Variants in GVQW3 observed in about 807,000 individuals in gnomAD.
GVQW3 encodes GVQW motif containing 3.
Under a neutral mutation model 12.5 loss-of-function variants are expected in GVQW3, and 7 were observed. That is an observed-to-expected ratio of 0.56 (90% confidence interval 0.32 to 1.05). The LOEUF (loss-of-function observed/expected upper bound fraction) is 1.05, where lower values mean the gene tolerates loss of function less well. GVQW3 is among the 50% of genes least tolerant of loss of function. The pLI, the probability that GVQW3 is intolerant of heterozygous loss-of-function variation, is 0.04. For synonymous variants in GVQW3, 71 were observed against 67.2 expected, an observed-to-expected ratio of 1.06 and a Z score of -0.28; for missense variants, 188 against 190.8, an observed-to-expected ratio of 0.99 and a Z score of 0.09.
intron 1 of GVQW3, among the ~76,000 whole-genome samples, chr11:76,391,509 G>A (rs546150718): frequency 6.6e-6 from 1 of 152,334 alleles, no homozygotes; most frequent in South Asian, 2.1e-4. Flanking sequence ...GCCAGGAAAA[G>A]GAGAGTTTAA....
chr11:76,408,333 T>G (rs1485082938), downstream of GVQW3: 1 of 152,186 alleles, frequency 6.6e-6, no homozygotes, highest in African/African-American at 2.4e-5. Flanking sequence ...GTTCGGGCCT[T>G]GAAGGATGAA....
At chr11:76,398,043 G>A (rs1429306245) in intron 1 of GVQW3, among the ~76,000 whole-genome samples, 1 of 150,440 alleles carries the variant, frequency 6.6e-6, no homozygotes, top group Non-Finnish European at 1.5e-5. Context: ...GCTGAGGTAC[G>A]AGAATCCCTT....
intron 1 of GVQW3, 26 bp downstream of exon 1, chr11:76,382,319 A>T (rs1211571821): frequency 7.2e-7 from 1 of 1,396,174 alleles, no homozygotes; most frequent in South Asian, 1.2e-5. Flanking sequence ...ACATGGAGTT[A>T]TCTCCAGGGT....
downstream of GVQW3, chr11:76,414,624 A>C (rs1005838921): frequency 4.2e-5 from 6 of 143,352 alleles, no homozygotes; most frequent in African/African-American, 1.0e-4. Flanking sequence ...CCCCACAAAA[A>C]AAAAAAAAAA....
intron 1 of GVQW3, among the ~76,000 whole-genome samples, chr11:76,401,848 A>G (rs534937023): frequency 6.6e-6 from 1 of 152,250 alleles, no homozygotes; most frequent in East Asian, 1.9e-4. Flanking sequence ...ATCTAAAGGT[A>G]AAGTAAATTC....
At chr11:76,401,179 C>T (rs80306865) in intron 1 of GVQW3, among the ~76,000 whole-genome samples, 3,728 of 151,962 alleles carry the variant, frequency 0.025, 66 homozygotes, top group East Asian at 0.079. Context: ...GACCAGGCTT[C>T]TACACTTTCT....
chr11:76,403,713 G>C lies in GVQW3; in HGVS notation c.519G>C (p.Gly173=), dbSNP rs1231398538. 2.1e-6 allele frequency: 1 copy of C among 485,570 alleles called. No homozygotes were observed. Among genetic ancestry groups the C allele is most frequent in the Non-Finnish European group, 3.7e-6 (1 of 270,678 alleles). 30.1% of individuals were successfully genotyped at this position (485,570 alleles called of 1,614,324 possible). A position where few individuals can be genotyped will look rare whatever the true frequency, so the allele number is the denominator to read the frequency against. The change falls in exon 2 of 2, where the codon GGG becomes GGC. Residue 173 remains glycine (G), a synonymous_variant. Coordinates refer to ENST00000529331, the MANE Select transcript of GVQW3 (RefSeq NM_001347885.2). The stretch of plus-strand genomic sequence containing the variant: ...TGGTCTCGAACTCCTTGTCTCAAGG[G>C]ATCCTCCCACCTTGGCCTCCCAAAG... The part of the protein sequence containing the change: ...PRLVSNSLSQ[G]ILPPWPPKAL...
intron 1 of GVQW3, among the ~76,000 whole-genome samples, chr11:76,402,109 C>A (rs1946995377): frequency 6.6e-6 from 1 of 152,198 alleles, no homozygotes; most frequent in Non-Finnish European, 1.5e-5. Context: ...CAGTGAAACC[C>A]TAGCCCACAG....
chr11:76,400,885 C>T (rs563823343), intron 1 of GVQW3, among the ~76,000 whole-genome samples: 15 of 152,044 alleles, frequency 9.9e-5, no homozygotes, highest in African/African-American at 1.9e-4. Flanking sequence ...TCAGCTAGCT[C>T]GAATATGTAG....
chr11:76,400,421 T>G, intron 1 of GVQW3, among the ~76,000 whole-genome samples: 1 of 142,824 alleles, frequency 7.0e-6, no homozygotes, highest in East Asian at 2.3e-4. Flanking sequence ...GCCCTTTTTT[T>G]GTTTGTTTGT....
At chr11:76,397,460 T>C (rs1226844402) in intron 1 of GVQW3, among the ~76,000 whole-genome samples, 1 of 152,226 alleles carries the variant, frequency 6.6e-6, no homozygotes, top group Non-Finnish European at 1.5e-5. Context: ...TGAACATACG[T>C]TTTTAATTCC....
rs938524918 is a variant in GVQW3, at chr11:76,406,358, C to T, written c.*2600C>T. 6.6e-6 allele frequency: 1 copy of T among 152,286 alleles called. No individual in the cohort carries two copies. The highest frequency in any genetic ancestry group is 1.5e-5 in the Non-Finnish European group (1 of 68,106). 9.4% of individuals were successfully genotyped at this position (152,286 alleles called of 1,614,324 possible). ...GAAGTCATGAGAGGAGGTTCAATAACTGTGTGCTAGAGTCATACCTCCACC... is the reference window on the plus strand; with the variant it reads ...GAAGTCATGAGAGGAGGTTCAATAATTGTGTGCTAGAGTCATACCTCCACC... On this transcript the variant is annotated 3_prime_UTR_variant, in exon 2 of 2. Transcript: ENST00000529331.
chr11:76,412,300 G>A (rs1201863764), downstream of GVQW3: 1 of 152,256 alleles, frequency 6.6e-6, no homozygotes, highest in African/African-American at 2.4e-5. Flanking sequence ...AAGTGTTTTG[G>A]GAGCCAGAGG....
chr11:76,384,043 C>T (rs1946806479), intron 1 of GVQW3, among the ~76,000 whole-genome samples: 1 of 152,210 alleles, frequency 6.6e-6, no homozygotes, highest in African/African-American at 2.4e-5. Context: ...TCTCTTCCTG[C>T]CTCTGCCAGG....
At chr11:76,412,997 G>T (rs7129437), downstream of GVQW3, 3 of 152,014 alleles carry the variant, frequency 2.0e-5, no homozygotes, top group African/African-American at 4.8e-5. Context: ...GGCCACCCCA[G>T]GGACTTGTAT....
chr11:76,399,144 T>G (rs985170935), intron 1 of GVQW3, among the ~76,000 whole-genome samples: 2 of 152,078 alleles, frequency 1.3e-5, no homozygotes, highest in Non-Finnish European at 2.9e-5. Context: ...TATTTTATTT[T>G]ATTTTATTTA....
intron 1 of GVQW3, among the ~76,000 whole-genome samples, chr11:76,400,595 A>G (rs1946980811): frequency 1.4e-5 from 2 of 146,874 alleles, no homozygotes; most frequent in Non-Finnish European, 3.0e-5. Flanking sequence ...TAATTTTTGT[A>G]TTTTTAGTAG....
intron 1 of GVQW3, chr11:76,383,782 A>ACCCCC (rs1565240643): frequency 9.0e-4 from 136 of 151,110 alleles, no homozygotes; most frequent in Admixed American, 1.6e-3. Flanking sequence ...TGTCCCAAAA[A>ACCCCC]AAAAAAAAAG....
At chr11:76,384,563 T>A (rs552233670) in intron 1 of GVQW3, among the ~76,000 whole-genome samples, 1 of 152,188 alleles carries the variant, frequency 6.6e-6, no homozygotes, top group Non-Finnish European at 1.5e-5. Context: ...CCTCAGGTGA[T>A]CCACCCACCT....
Sources: gnomAD v4.1 joint callset for allele counts (sites outside exome capture counted in the v4.1 genomes callset) on GRCh38, gnomAD v4.1.1 for gene constraint, MANE v1.5 for transcripts, NCBI Gene and HGNC (gene_info 2026-07-23, HGNC 2026-07-21) for gene names.